SPNS2: variants seen among roughly 807,000 people sequenced by gnomAD.
SPNS2 encodes SPNS lysolipid transporter 2, sphingosine-1-phosphate, also known as sphingosine-1-phosphate transporter SPNS2.
In SPNS2, 37 loss-of-function variants were observed where a neutral mutation model predicts 57.6. That is an observed-to-expected ratio of 0.64 (90% CI 0.49 to 0.85). The LOEUF (loss-of-function observed/expected upper bound fraction) is 0.85. SPNS2 is among the 40% of genes least tolerant of loss of function. The pLI, the probability that SPNS2 is intolerant of heterozygous loss-of-function variation, is 0.00. For synonymous variants in SPNS2, 440 were observed against 346.9 expected, an observed-to-expected ratio of 1.27 and a Z score of -2.98; for missense variants, 831 against 779.1, an observed-to-expected ratio of 1.07 and a Z score of -0.79.
intron 2 of SPNS2, among the ~76,000 whole-genome samples, chr17:4,519,122 G>A (rs752140361): frequency 3.9e-5 from 6 of 152,180 alleles, no homozygotes; most frequent in Non-Finnish European, 8.8e-5. Context: ...CACCCTCCCT[G>A]CCCACAGGAT....
intron 2 of SPNS2, among the ~76,000 whole-genome samples, chr17:4,522,719 C>T (rs1303447294): frequency 6.6e-6 from 1 of 152,216 alleles, no homozygotes; most frequent in Non-Finnish European, 1.5e-5. Flanking sequence ...TTTGTCTGGC[C>T]ATCTGCCCAT....
intron 2 of SPNS2, among the ~76,000 whole-genome samples, chr17:4,517,065 C>T (rs528827658): frequency 5.1e-4 from 78 of 152,294 alleles, no homozygotes; most frequent in African/African-American, 1.6e-3. Flanking sequence ...TCGTTCTAAC[C>T]GTGGGTGATT....
In SPNS2 at chr17:4,536,906, C is replaced by T. The variant is rs1042830969; in HGVS notation, c.1614C>T (p.Asn538=). The T allele has an allele frequency of 1.9e-6, 3 of 1,613,452 alleles. No individual in the cohort carries two copies. Among genetic ancestry groups the T allele is most frequent in the Admixed American group, 3.3e-5 (2 of 59,928 alleles). ...SDRARAEQQV[N]QLAMPPASVK... ...CCGCCCGTCTCTCCCCCAGGGTGAACCAGCTGGCGATGCCGCCCGCATCTG... is the reference window on the plus strand; with the variant it reads ...CCGCCCGTCTCTCCCCCAGGGTGAATCAGCTGGCGATGCCGCCCGCATCTG... Residue 538 remains asparagine, a synonymous_variant, in exon 12 of 13, where the codon AAC becomes AAT. Transcript: ENST00000329078.
At position 4,533,027 on chromosome 17, in the gene SPNS2, C is replaced by T. The variant is rs200092769; in HGVS notation, c.986C>T (p.Thr329Met). Residue 329 changes from threonine to methionine, a missense_variant, in exon 7 of 13, where the codon ACG becomes ATG. Thr to Met is a moderately conservative substitution (Grantham distance 81). Transcript: ENST00000329078. ...GCCACGTCGGCTGTCTCCTTCGCCA[C>T]GGGGGCCCTGGGCATGTGGATCCCG... The part of the protein sequence containing the change: ...SLATSAVSFA[T>M]GALGMWIPLY... The T allele has an allele frequency of 7.4e-6, 12 of 1,613,338 alleles. No individual in the cohort carries two copies. The highest frequency in any genetic ancestry group is 1.7e-5 in the Admixed American group (1 of 60,024).
chr17:4,535,657 C>T (rs1274708774), intron 9 of SPNS2, among the ~76,000 whole-genome samples: 1 of 152,162 alleles, frequency 6.6e-6, no homozygotes, highest in Non-Finnish European at 1.5e-5. Flanking sequence ...GGGCAACCCC[C>T]AAAGTATCAT....
Position 4,532,560 on chromosome 17 carries a change from A to T in SPNS2, c.811A>T (p.Met271Leu). ...CTGGCAGGTGTCCCCTGTCCTGGGC[A>T]TGATCACAGGAACACTCATCCTCAT... ...WALRVSPVLGMITGTLILILV... is the reference protein window; with the variant it reads ...WALRVSPVLGLITGTLILILV... The change falls in exon 6 of 13, where the codon ATG (methionine) becomes TTG (leucine). Residue 271 changes from methionine to leucine, a missense_variant. Physicochemically the swap from Met to Leu is conservative, Grantham distance 15. Coordinates refer to ENST00000329078, the MANE Select transcript of SPNS2 (RefSeq NM_001124758.3). 2.5e-6 allele frequency: 4 copies of T among 1,614,136 alleles called. No homozygotes were observed. The highest frequency in any genetic ancestry group is 3.4e-6 in the Non-Finnish European group (4 of 1,180,032).
In SPNS2 at chr17:4,515,088, G is replaced by A. The variant is rs552730482; in HGVS notation, c.436+1776G>A. On this transcript the variant is annotated intron_variant, in intron 2 of 12. Coordinates refer to ENST00000329078, the MANE Select transcript of SPNS2 (RefSeq NM_001124758.3). ...GGAATGGTGGGGAGGGTCACAGGCC[G>A]GGCAGGGGGTTGGGGGCTCGGCTCA... Among the ~76,000 whole-genome samples, 15 of 152,286 alleles carry A rather than the reference G, an allele frequency of 9.8e-5. No individual in the cohort carries two copies. The South Asian group carries it at 1.0e-3, about 11-fold the overall frequency.
In SPNS2 at chr17:4,531,434, C is replaced by G. The variant is rs149774409; in HGVS notation, c.792+315C>G. On this transcript the variant is annotated intron_variant, in intron 5 of 12. Coordinates refer to ENST00000329078, the MANE Select transcript of SPNS2 (RefSeq NM_001124758.3). ...CCCACCACGTCAGGAAATTCCAGGT[C>G]CATGGCGGTGCTTCCTGCCTCCAGC... is the stretch of plus-strand genomic sequence containing the variant. 1.7e-3 allele frequency among the ~76,000 whole-genome samples: 263 copies of G among 152,250 alleles called. 1 individual carries two copies. The highest frequency in any genetic ancestry group is 6.1e-3 in the African/African-American group (253 of 41,550).
rs1377475962 is a variant in SPNS2, at chr17:4,535,975, GTC to G, written c.1345-99_1345-98del. 6.4e-6 allele frequency: 6 copies of G among 941,148 alleles called. No homozygotes were observed. The East Asian group carries it at 7.7e-5, about 12-fold the overall frequency. 58.3% of individuals were successfully genotyped at this position (941,148 alleles called of 1,614,324 possible). The stretch of plus-strand genomic sequence containing the variant: ...GTGTCAAGACGTAGGGCAGGAGTGA[GTC>G]TGAGGGTGTGGGGGCTTCAGAAGTG... On this transcript the variant is annotated intron_variant, in intron 9 of 12. Transcript: ENST00000329078.
intron 3 of SPNS2, among the ~76,000 whole-genome samples, chr17:4,527,873 C>T (rs1038448382): frequency 1.3e-5 from 2 of 151,584 alleles, no homozygotes; most frequent in East Asian, 3.9e-4. Flanking sequence ...CGTGGCCCAG[C>T]CTTCTACTTG....
rs1238576111 is a variant in SPNS2, at chr17:4,536,190, GTGGGGCTGGCCAGGGC to G, written c.1443+17_1443+32del. 1.7e-5 allele frequency: 27 copies of G among 1,610,090 alleles called. No individual in the cohort carries two copies. Among genetic ancestry groups the G allele is most frequent in the Non-Finnish European group, 2.2e-5 (26 of 1,178,750 alleles). On this transcript the variant is annotated intron_variant, in intron 10 of 12. Coordinates refer to ENST00000329078, the MANE Select transcript of SPNS2 (RefSeq NM_001124758.3). ...CATTGGCTTTGTGAGTAGCCCCGGG[GTGGGGCTGGCCAGGGC>G]AGGCTGGGGGACTGCAGGAGGGCTC...
chr17:4,534,807 AG>A (rs1905692714), intron 9 of SPNS2, among the ~76,000 whole-genome samples: 1 of 119,472 alleles, frequency 8.4e-6, no homozygotes, highest in African/African-American at 5.1e-5. Flanking sequence ...GCACAGGCCC[AG>A]AGTGAAGGGA....
chr17:4,520,141 C>T lies in SPNS2; in HGVS notation c.437-4916C>T, dbSNP rs188063158. On this transcript the variant is annotated intron_variant, in intron 2 of 12. Coordinates refer to ENST00000329078, the MANE Select transcript of SPNS2 (RefSeq NM_001124758.3). ...CTCCACCTCTTGGGGCCTCAGTGAC[C>T]TCAGCTGTTAGATAGGGATGGACGT... Among the ~76,000 whole-genome samples the T allele has an allele frequency of 2.4e-4, 37 of 152,318 alleles. 1 individual carries two copies. Among genetic ancestry groups the T allele is most frequent in the Admixed American group, 1.8e-3 (27 of 15,296 alleles).
chr17:4,506,845 G>C (rs1301030457), intron 1 of SPNS2, among the ~76,000 whole-genome samples: 1 of 152,306 alleles, frequency 6.6e-6, no homozygotes, highest in East Asian at 1.9e-4. Flanking sequence ...AGCAGATGTA[G>C]AACAAACCCA....
At chr17:4,530,994 G>A in intron 4 of SPNS2, 59 bp from the exon 5 acceptor site, 1 of 1,589,752 alleles carries the variant, frequency 6.3e-7, no homozygotes, top group Admixed American at 1.7e-5. Context: ...AGACCAGCGG[G>A]CACTCCCTGT....
intron 9 of SPNS2, 30 bp downstream of exon 9, chr17:4,533,883 G>A (rs1328622258): frequency 6.2e-7 from 1 of 1,607,942 alleles, no homozygotes; most frequent in South Asian, 1.1e-5. Flanking sequence ...GTCACCTTGT[G>A]CTGCTGACCC....
Position 4,499,221 on chromosome 17 carries a change from G to A in SPNS2, c.174G>A (p.Gln58=). The A allele has an allele frequency of 2.1e-6, 3 of 1,449,592 alleles. No homozygotes were observed. The East Asian group carries it at 9.1e-5, about 44-fold the overall frequency. The allele number at this position is 1,449,592 out of a possible 1,614,324, so 89.8% of individuals were successfully genotyped here. A position where few individuals can be genotyped will look rare whatever the true frequency, so the allele number is the denominator to read the frequency against. ...AGVSAAGDEV[Q]TLSGSVRRAP... ...TCTCGGCCGCGGGCGATGAGGTGCA[G>A]ACGCTGTCGGGCAGCGTAAGGCGGG... Residue 58 remains glutamine, a synonymous_variant, in exon 1 of 13, where the codon CAG becomes CAA. Transcript: ENST00000329078. The surrounding 1 kb of genome is among the most constrained non-coding windows in gnomAD (Gnocchi z 5.2).
intron 2 of SPNS2, among the ~76,000 whole-genome samples, chr17:4,519,345 A>G (rs1410165556): frequency 6.6e-6 from 1 of 152,114 alleles, no homozygotes; most frequent in Non-Finnish European, 1.5e-5. Context: ...TCCGCTCACC[A>G]TGGACAGGGG....
chr17:4,516,344 C>A (rs5818961), intron 2 of SPNS2, among the ~76,000 whole-genome samples: 3,167 of 32,634 alleles, frequency 0.097, 150 homozygotes, highest in African/African-American at 0.29. Flanking sequence ...AAAAAAAAAA[C>A]AAAAAAACCG....
Sources: gnomAD v4.1 joint callset for allele counts (sites outside exome capture counted in the v4.1 genomes callset) on GRCh38, gnomAD v4.1.1 for gene constraint, Gnocchi (gnomAD v3.1) non-coding constraint, MANE v1.5 for transcripts, NCBI Gene and HGNC (gene_info 2026-07-23, HGNC 2026-07-21) for gene names.